Variants in PTP4A1 observed in about 807,000 individuals in gnomAD.
PTP4A1 encodes protein tyrosine phosphatase type IVA 1.
Under a neutral mutation model 20.5 loss-of-function variants are expected in PTP4A1, and 9 were observed. The observed-to-expected ratio is 0.44, with a 90% CI of 0.26 to 0.77. The LOEUF (loss-of-function observed/expected upper bound fraction) is 0.77. Ranked by LOEUF, PTP4A1 falls within the 30% of genes least tolerant of loss-of-function variation. The pLI is 0.19. For synonymous variants in PTP4A1, 78 were observed against 67.4 expected (o/e 1.16, Z -0.77); for missense variants, 137 against 218.8 (o/e 0.63, Z 2.36).
At chr6:63,564,631 AACCT>A (rs1777110676) in intron 3 of PTP4A1, among the ~76,000 whole-genome samples, 1 of 152,178 alleles carries the variant, frequency 6.6e-6, no homozygotes, top group African/African-American at 2.4e-5. Context: ...ATGCATATCC[AACCT>A]TTAAAATTTA....
chr6:63,549,334 G>T, intron 2 of PTP4A1: 1 of 754,052 alleles, frequency 1.3e-6, no homozygotes, highest in Admixed American at 1.7e-5. Flanking sequence ...CTGATATAGT[G>T]GGGGCCATTT....
chr6:63,521,961 A>T (rs913852845), intron 1 of PTP4A1: 2 of 152,218 alleles, frequency 1.3e-5, no homozygotes, highest in Admixed American at 6.5e-5. Flanking sequence ...GAGAGTTCTG[A>T]TCTGTTCAAG....
rs573146448 is a variant in PTP4A1, at chr6:63,525,392, G to A, written c.-905-2427G>A. On this transcript the variant is annotated intron_variant, in intron 1 of 3. Transcript: ENST00000639568. ...AGAGAGAACAGACGGGAGGAAGGAG[G>A]TGGAACACACTCCTTCCCGTTTGCT... Among the ~76,000 whole-genome samples, 4 of 152,274 alleles carry A rather than the reference G, an allele frequency of 2.6e-5. No homozygotes were observed. The South Asian group carries it at 8.3e-4, about 32-fold the overall frequency.
intron 1 of PTP4A1, among the ~76,000 whole-genome samples, chr6:63,575,487 AG>A (rs1777794013): frequency 6.6e-6 from 1 of 152,184 alleles, no homozygotes; most frequent in South Asian, 2.1e-4. Context: ...TTAGTTCTTA[AG>A]GGGGAACTTA....
At chr6:63,575,856 C>G (rs1183248379) in intron 1 of PTP4A1, among the ~76,000 whole-genome samples, 2 of 151,876 alleles carry the variant, frequency 1.3e-5, no homozygotes, top group Non-Finnish European at 2.9e-5. Flanking sequence ...AAATATAGGA[C>G]TTAAATCAGT....
chr6:63,563,779 G>A (rs187037716), intron 3 of PTP4A1, among the ~76,000 whole-genome samples: 237 of 152,258 alleles, frequency 1.6e-3, no homozygotes, highest in African/African-American at 5.2e-3. Flanking sequence ...AGTGAGTCCA[G>A]GAGGCCCTAG....
chr6:63,529,103 G>A (rs1356112327), intron 2 of PTP4A1, among the ~76,000 whole-genome samples: 1 of 147,204 alleles, frequency 6.8e-6, no homozygotes, highest in Non-Finnish European at 1.5e-5. Context: ...ATATATATAT[G>A]TGTGTATATA....
chr6:63,570,002 C>T (rs1032352598), upstream of PTP4A1, among the ~76,000 whole-genome samples: 4 of 152,178 alleles, frequency 2.6e-5, no homozygotes, highest in Non-Finnish European at 5.9e-5. Flanking sequence ...CTCAGCATAG[C>T]AGTGAACCAC....
intron 2 of PTP4A1, among the ~76,000 whole-genome samples, chr6:63,542,856 A>G (rs187228796): frequency 9.1e-4 from 139 of 152,160 alleles, no homozygotes; most frequent in Non-Finnish European, 1.7e-3. Context: ...TACCTGATTC[A>G]TCCAAGCCAT....
At chr6:63,563,075 T>C (rs1199219636) in intron 3 of PTP4A1, among the ~76,000 whole-genome samples, 1 of 152,234 alleles carries the variant, frequency 6.6e-6, no homozygotes, top group African/African-American at 2.4e-5. Context: ...ACTGTCCTGA[T>C]CATAGTCAAC....
intron 3 of PTP4A1, among the ~76,000 whole-genome samples, chr6:63,566,722 T>C (rs1777205856): frequency 6.6e-6 from 1 of 152,164 alleles, no homozygotes; most frequent in Admixed American, 6.5e-5. Context: ...TGGCAATTTC[T>C]TGAAATAAGA....
At chr6:63,577,475 G>A (rs1777944003) in intron 2 of PTP4A1, among the ~76,000 whole-genome samples, 1 of 152,104 alleles carries the variant, frequency 6.6e-6, no homozygotes, top group African/African-American at 2.4e-5. Context: ...ATAATATATC[G>A]GGATGTGCAC....
chr6:63,577,050 C>G, intron 2 of PTP4A1, 65 bp downstream of exon 2: 3 of 1,303,816 alleles, frequency 2.3e-6, no homozygotes, highest in Non-Finnish European at 3.2e-6. Context: ...TTATAGCTAA[C>G]AAAATAAAAA....
intron 1 of PTP4A1, among the ~76,000 whole-genome samples, chr6:63,575,002 A>G (rs1777759396): frequency 6.6e-6 from 1 of 152,206 alleles, no homozygotes; most frequent in South Asian, 2.1e-4. Flanking sequence ...CTTTTGATAA[A>G]TGATTGTTAA....
At chr6:63,544,554 A>G (rs1350420948) in intron 2 of PTP4A1, among the ~76,000 whole-genome samples, 1 of 152,156 alleles carries the variant, frequency 6.6e-6, no homozygotes, top group African/African-American at 2.4e-5. Context: ...CCTTTATAGT[A>G]AAATAAAAAC....
chr6:63,525,529 T>A (rs767284555), intron 1 of PTP4A1, among the ~76,000 whole-genome samples: 1 of 152,220 alleles, frequency 6.6e-6, no homozygotes, highest in Non-Finnish European at 1.5e-5. Context: ...CAGAACCTAG[T>A]TCATGCCACT....
At chr6:63,526,803 G>GTATATATATATATATATATATATA (rs376671990) in intron 1 of PTP4A1, among the ~76,000 whole-genome samples, 5 of 101,436 alleles carry the variant, frequency 4.9e-5, no homozygotes, top group African/African-American at 1.7e-4. Flanking sequence ...TCTCAAAAAT[G>GTATATATATATATATATATATATA]TATATATATA....
intron 2 of PTP4A1, among the ~76,000 whole-genome samples, chr6:63,530,341 A>G (rs1277595051): frequency 1.3e-5 from 2 of 152,166 alleles, no homozygotes. Flanking sequence ...AAAAAGCACA[A>G]AGGCTGAATA....
intron 2 of PTP4A1, among the ~76,000 whole-genome samples, chr6:63,547,377 A>T (rs1014678987): frequency 2.7e-5 from 4 of 150,410 alleles, no homozygotes; most frequent in Non-Finnish European, 5.9e-5. Flanking sequence ...TTTAGTAGAG[A>T]TAGGATTTCA....
Sources: allele counts gnomAD v4.1 joint callset (sites outside exome capture counted in the v4.1 genomes callset), GRCh38; gene constraint gnomAD v4.1.1; transcripts MANE v1.5; gene names NCBI Gene and HGNC (gene_info 2026-07-23, HGNC 2026-07-21).